The following PANX1 variants were observed in gnomAD, a reference collection of about 807,000 sequenced individuals.
PANX1 encodes pannexin-1.
A neutral mutation model predicts 38.7 loss-of-function variants in PANX1; 30 were observed. That is an observed-to-expected ratio of 0.78 (90% CI 0.58 to 1.05). The LOEUF is 1.05. Among genes scored for constraint, PANX1 ranks in the 50% least tolerant of loss-of-function variants. The probability of loss-of-function intolerance (pLI) is 0.00; values close to 1 mark genes in which losing one functional copy is unlikely to be tolerated. For synonymous variants in PANX1, 230 were observed against 212.2 expected (o/e 1.08, Z -0.73); for missense variants, 551 against 517.2 (o/e 1.07, Z -0.63).
intron 2 of PANX1, among the ~76,000 whole-genome samples, chr11:94,171,712 G>C (rs1219998432): frequency 6.6e-6 from 1 of 151,548 alleles, no homozygotes; most frequent in East Asian, 1.9e-4. Flanking sequence ...TATGACACTG[G>C]TATGATCAAT....
At chr11:94,138,210 A>T (rs1393020117) in intron 1 of PANX1, among the ~76,000 whole-genome samples, 1 of 152,182 alleles carries the variant, frequency 6.6e-6, no homozygotes, top group African/African-American at 2.4e-5. Flanking sequence ...ACAGCTGGCA[A>T]AAGTTAGTGG....
intron 2 of PANX1, among the ~76,000 whole-genome samples, chr11:94,169,413 G>C (rs890985011): frequency 6.6e-6 from 1 of 151,672 alleles, no homozygotes; most frequent in Non-Finnish European, 1.5e-5. Flanking sequence ...CTGAGACTTA[G>C]GCTAACTCTA....
chr11:94,165,278 A>G (rs1394500019), intron 2 of PANX1, among the ~76,000 whole-genome samples: 1 of 150,668 alleles, frequency 6.6e-6, no homozygotes, highest in African/African-American at 2.4e-5. Flanking sequence ...TCCTTTGTGT[A>G]TAAATGATTT....
At chr11:94,164,910 C>T (rs569086890) in intron 2 of PANX1, among the ~76,000 whole-genome samples, 69 of 152,214 alleles carry the variant, frequency 4.5e-4, no homozygotes, top group Middle Eastern at 3.4e-3. Context: ...GAATTGATCC[C>T]GTTATCATTA....
intron 2 of PANX1, among the ~76,000 whole-genome samples, chr11:94,161,013 G>A (rs1410623860): frequency 2.6e-5 from 4 of 152,150 alleles, no homozygotes; most frequent in Non-Finnish European, 5.9e-5. Context: ...TGAAATTCTG[G>A]GTTGAAAATT....
intron 2 of PANX1, among the ~76,000 whole-genome samples, chr11:94,166,034 A>G (rs919151694): frequency 1.3e-5 from 2 of 152,078 alleles, no homozygotes. Flanking sequence ...CCAAAAGAAA[A>G]CTAAAAAGTT....
intron 2 of PANX1, among the ~76,000 whole-genome samples, chr11:94,173,248 A>C (rs1296998335): frequency 6.6e-6 from 1 of 151,524 alleles, no homozygotes; most frequent in Non-Finnish European, 1.5e-5. Flanking sequence ...CCTGACCCTT[A>C]AATGTTATAG....
At chr11:94,165,446 G>C (rs1947091980) in intron 2 of PANX1, among the ~76,000 whole-genome samples, 1 of 151,924 alleles carries the variant, frequency 6.6e-6, no homozygotes, top group Non-Finnish European at 1.5e-5. Context: ...CATAATGACA[G>C]GATCAAATTC....
In PANX1 at chr11:94,128,943, G is replaced by C. The variant is rs924837476; in HGVS notation, c.-370G>C. 2.0e-4 allele frequency: 33 copies of C among 163,056 alleles called. No homozygotes were observed. The highest frequency in any genetic ancestry group is 4.5e-4 in the Admixed American group (7 of 15,512). The allele number at this position is 163,056 out of a possible 1,614,324, so 10.1% of individuals were successfully genotyped here. ...TCGGCAGCCAGGGCGGCGCGGAGGG[G>C]CAGGGCCAGAGGGAAGCGCTTTGTT... is the stretch of plus-strand genomic sequence containing the variant. On this transcript the variant is annotated 5_prime_UTR_variant, in exon 1 of 5. Transcript: ENST00000227638.
intron 1 of PANX1, among the ~76,000 whole-genome samples, chr11:94,136,760 TC>T (rs1167082882): frequency 6.6e-6 from 1 of 151,740 alleles, no homozygotes; most frequent in African/African-American, 2.4e-5. Context: ...AGAGCGAGAC[TC>T]CGTCTCAAAA....
At position 94,150,513 on chromosome 11, in the gene PANX1, C is replaced by T. The variant is rs577764763; in HGVS notation, c.182-2978C>T. On this transcript the variant is annotated intron_variant, in intron 1 of 4. Transcript: ENST00000227638. Reference sequence around the variant, plus strand: ...GGAAATACATTTGAAAAAATGAATCCGGATGGTCCCTGTCCCAAGCTTCCT... The same window carrying T: ...GGAAATACATTTGAAAAAATGAATCTGGATGGTCCCTGTCCCAAGCTTCCT... Among the ~76,000 whole-genome samples, 3 of 152,208 alleles carry T rather than the reference C, an allele frequency of 2.0e-5. No homozygotes were observed. The East Asian group carries it at 5.8e-4, about 29-fold the overall frequency.
chr11:94,137,404 C>T (rs1256818884), intron 1 of PANX1, among the ~76,000 whole-genome samples: 2 of 152,186 alleles, frequency 1.3e-5, no homozygotes, highest in Non-Finnish European at 2.9e-5. Context: ...CATGCAAACA[C>T]CTTTTTTCTG....
At chr11:94,162,016 G>A (rs955858635) in intron 2 of PANX1, among the ~76,000 whole-genome samples, 3 of 152,178 alleles carry the variant, frequency 2.0e-5, no homozygotes, top group South Asian at 2.1e-4. Context: ...TATCAGCATC[G>A]GAGGCTGCAG....
chr11:94,170,361 G>T (rs947235280), intron 2 of PANX1, among the ~76,000 whole-genome samples: 2 of 151,786 alleles, frequency 1.3e-5, no homozygotes, highest in African/African-American at 2.4e-5. Flanking sequence ...TGTTTTCACA[G>T]TTCATTAATG....
Position 94,171,362 on chromosome 11 carries a change from T to C in PANX1, c.322-7007T>C, listed in dbSNP as rs187352783. On this transcript the variant is annotated intron_variant, in intron 2 of 4. Transcript: ENST00000227638. ...AAAATGGAAGCTTGACATGAAAATA[T>C]CTTGCCATAATTCTGCTTTATTAAT... Among the ~76,000 whole-genome samples, 42 of 151,872 alleles carry C rather than the reference T, an allele frequency of 2.8e-4. No individual in the cohort carries two copies. The East Asian group carries it at 7.5e-3, about 27-fold the overall frequency.
chr11:94,168,469 A>G (rs1335090263), intron 2 of PANX1, among the ~76,000 whole-genome samples: 9 of 151,228 alleles, frequency 6.0e-5, no homozygotes, highest in African/African-American at 2.0e-4. Flanking sequence ...TGGTAAGCAC[A>G]GAGTGAGGGT....
At chr11:94,138,372 A>G (rs534379387) in intron 1 of PANX1, among the ~76,000 whole-genome samples, 5 of 152,120 alleles carry the variant, frequency 3.3e-5, no homozygotes, top group Non-Finnish European at 7.4e-5. Flanking sequence ...TTATTTTTCC[A>G]AGGGGATGTT....
At chr11:94,142,772 G>C (rs937717255) in intron 1 of PANX1, among the ~76,000 whole-genome samples, 1 of 152,148 alleles carries the variant, frequency 6.6e-6, no homozygotes, top group East Asian at 1.9e-4. Context: ...AATGCTTTTT[G>C]GGTTAAGCGC....
chr11:94,136,953 G>T (rs898847638), intron 1 of PANX1, among the ~76,000 whole-genome samples: 1 of 151,962 alleles, frequency 6.6e-6, no homozygotes, highest in Non-Finnish European at 1.5e-5. Context: ...CAGTCATGGC[G>T]GAAGGCAAAC....
Sources: gnomAD v4.1 joint callset for allele counts (sites outside exome capture counted in the v4.1 genomes callset) on GRCh38, gnomAD v4.1.1 for gene constraint, MANE v1.5 for transcripts, NCBI Gene and HGNC (gene_info 2026-07-23, HGNC 2026-07-21) for gene names.